Variants in FREM2 observed in about 807,000 individuals in gnomAD.
The protein encoded by FREM2 is FRAS1-related extracellular matrix protein 2.
Under a neutral mutation model 219.9 loss-of-function variants are expected in FREM2, and 119 were observed. The ratio of observed to expected loss-of-function variants is 0.54; its 90% CI spans 0.47 to 0.63. The LOEUF (loss-of-function observed/expected upper bound fraction) is 0.63, where lower values mean the gene tolerates loss of function less well. Ranked by LOEUF, FREM2 falls within the 30% of genes least tolerant of loss-of-function variation. FREM2 has a pLI of 0.00. For missense variants in FREM2, 4,030 were observed against 3,993.6 expected, an observed-to-expected ratio of 1.01 and a Z score of -0.25; for synonymous variants, 1,562 against 1,522.8, an observed-to-expected ratio of 1.03 and a Z score of -0.60.
At chr13:38,789,987 AG>A (rs1158773240) in intron 6 of FREM2, among the ~76,000 whole-genome samples, 2 of 152,094 alleles carry the variant, frequency 1.3e-5, no homozygotes, top group Non-Finnish European at 2.9e-5. Context: ...ATATGTAGAA[AG>A]CCTATACAAT....
intron 15 of FREM2, among the ~76,000 whole-genome samples, 192 bp from the exon 16 acceptor site, chr13:38,864,082 AC>A (rs1877860746): frequency 6.6e-6 from 1 of 151,032 alleles, no homozygotes; most frequent in Non-Finnish European, 1.5e-5. Context: ...ACCCACCTAG[AC>A]CTCCCAAAGT....
At chr13:38,755,209 T>G (rs946190470) in intron 2 of FREM2, among the ~76,000 whole-genome samples, 7 of 151,998 alleles carry the variant, frequency 4.6e-5, no homozygotes, top group African/African-American at 1.7e-4. Context: ...CCAGTCAAGA[T>G]TATTTTTAAT....
intron 12 of FREM2, among the ~76,000 whole-genome samples, chr13:38,857,334 T>C (rs1877599718): frequency 6.6e-6 from 1 of 152,132 alleles, no homozygotes; most frequent in South Asian, 2.1e-4. Context: ...TGTTCATAGA[T>C]TCCTCTTCTG....
intron 2 of FREM2, among the ~76,000 whole-genome samples, chr13:38,761,476 G>A (rs913242507): frequency 2.6e-5 from 4 of 152,210 alleles, no homozygotes; most frequent in East Asian, 3.9e-4. Flanking sequence ...TTAATGGAAC[G>A]TAAACACAAT....
Position 38,755,064 on chromosome 13 carries a change from G to A in FREM2, c.5264-9240G>A, listed in dbSNP as rs375834172. Among the ~76,000 whole-genome samples the A allele has an allele frequency of 3.8e-3, 574 of 151,866 alleles. 11 individuals are homozygous for A. Among genetic ancestry groups the A allele is most frequent in the African/African-American group, 0.013 (540 of 41,442 alleles). On this transcript the variant is annotated intron_variant, in intron 2 of 23. Transcript: ENST00000280481. Reference sequence around the variant, plus strand: ...ATTACAGGCAGGCACCATCACACCCGGCTAATTTTTGTATTTTTAGTAGAT... The same window carrying A: ...ATTACAGGCAGGCACCATCACACCCAGCTAATTTTTGTATTTTTAGTAGAT...
In FREM2 at chr13:38,687,706, G is replaced by A. The variant is rs1320388887; in HGVS notation, c.362G>A (p.Arg121His). The change falls in exon 1 of 24, where the codon CGC becomes CAC. Residue 121 changes from arginine (R) to histidine (H), a missense_variant. Physicochemically the swap from Arg to His is conservative, Grantham distance 29. This residue lies in a region of FREM2 where 3,102 missense variants were observed against 2,950.7 expected (regional missense o/e 1.05). Transcript: ENST00000280481. ...DNDALAQRPG[R>H]LSPKRFPCDF... ...GACGCACTGGCCCAGCGACCGGGCC[G>A]CCTGAGTCCCAAGCGCTTCCCGTGC... is the stretch of plus-strand genomic sequence containing the variant. The A allele has an allele frequency of 7.0e-6, 11 of 1,566,074 alleles. No individual in the cohort carries two copies. The highest frequency in any genetic ancestry group is 8.7e-6 in the Non-Finnish European group (10 of 1,153,778).
At chr13:38,735,931 C>G (rs985113107) in intron 2 of FREM2, among the ~76,000 whole-genome samples, 1 of 152,122 alleles carries the variant, frequency 6.6e-6, no homozygotes. Context: ...AGGTGCTGTT[C>G]GTGTAAAATC....
chr13:38,826,006 G>A (rs1187220108), intron 6 of FREM2, among the ~76,000 whole-genome samples: 1 of 152,098 alleles, frequency 6.6e-6, no homozygotes, highest in Non-Finnish European at 1.5e-5. Context: ...TAATGCGTAT[G>A]TTTACAGCTT....
At chr13:38,795,972 T>C (rs927040876) in intron 6 of FREM2, among the ~76,000 whole-genome samples, 2 of 152,124 alleles carry the variant, frequency 1.3e-5, no homozygotes, top group African/African-American at 2.4e-5. Context: ...GTATACACGA[T>C]AGTTTTCTTT....
intron 2 of FREM2, among the ~76,000 whole-genome samples, chr13:38,714,956 G>A (rs1378733538): frequency 1.3e-5 from 2 of 151,828 alleles, no homozygotes; most frequent in African/African-American, 4.8e-5. Context: ...GCTGGGCATG[G>A]TGGCGGGCAC....
intron 4 of FREM2, among the ~76,000 whole-genome samples, chr13:38,772,540 A>G (rs1391842544): frequency 1.3e-5 from 2 of 152,186 alleles, no homozygotes; most frequent in East Asian, 3.9e-4. Flanking sequence ...TGTGTTTAGC[A>G]CATTATATAC....
chr13:38,687,874 C>A lies in FREM2; in HGVS notation c.530C>A (p.Thr177Asn). 1 of 1,572,480 alleles carries A rather than the reference C, an allele frequency of 6.4e-7. No homozygotes were observed. Among genetic ancestry groups the A allele is most frequent in the Non-Finnish European group, 8.7e-7 (1 of 1,155,254 alleles). Residue 177 changes from threonine (T) to asparagine (N), a missense_variant, in exon 1 of 24, where the codon ACC becomes AAC. Around this residue, in one of 2 missense-constraint regions of FREM2, gnomAD observed 3,102 missense variants for 2,950.7 expected, o/e 1.05. Transcript: ENST00000280481. ...PLVLEVEVVF[T>N]QLEVVTRNLP... ...GTACTGGAGGTGGAGGTGGTCTTCA[C>A]CCAGCTGGAGGTTGTGACTCGGAAC...
chr13:38,687,787 G>C lies in FREM2; in HGVS notation c.443G>C (p.Arg148Pro), dbSNP rs771722643. 2.1e-5 allele frequency: 33 copies of C among 1,538,156 alleles called. No individual in the cohort carries two copies. Among genetic ancestry groups the C allele is most frequent in the East Asian group, 1.1e-4 (5 of 43,616 alleles). The part of the protein sequence containing the change: ...YSHLGARSPS[R>P]DRVRLQLRYD... ...CACCTGGGCGCGCGCAGCCCGTCTC[G>C]GGACCGCGTCCGGCTGCAGCTGCGC... is the stretch of plus-strand genomic sequence containing the variant. Residue 148 changes from arginine to proline, a missense_variant, in exon 1 of 24, where the codon CGG (arginine) becomes CCG (proline). This residue lies in a region of FREM2 where 3,102 missense variants were observed against 2,950.7 expected (regional missense o/e 1.05). Transcript: ENST00000280481.
chr13:38,735,629 G>A (rs985164983), intron 2 of FREM2, among the ~76,000 whole-genome samples: 9 of 152,238 alleles, frequency 5.9e-5, no homozygotes, highest in East Asian at 1.9e-4. Context: ...TTAAAAAAAC[G>A]TAAATGGTTT....
intron 6 of FREM2, among the ~76,000 whole-genome samples, chr13:38,816,583 G>C (rs1215810724): frequency 6.6e-6 from 1 of 152,140 alleles, no homozygotes; most frequent in Non-Finnish European, 1.5e-5. Flanking sequence ...CCTCAATGCA[G>C]TAACAGCCAT....
chr13:38,812,948 G>A (rs969065638), intron 6 of FREM2, among the ~76,000 whole-genome samples: 5 of 149,660 alleles, frequency 3.3e-5, no homozygotes, highest in African/African-American at 1.2e-4. Context: ...AACCTCTACC[G>A]TTTAACTTCA....
chr13:38,788,548 A>G lies in FREM2; in HGVS notation c.6019+3740A>G, dbSNP rs182081573. 2.5e-3 allele frequency among the ~76,000 whole-genome samples: 374 copies of G among 152,288 alleles called. 2 individuals carry two copies. The highest frequency in any genetic ancestry group is 3.8e-3 in the Non-Finnish European group (259 of 67,992). On this transcript the variant is annotated intron_variant, in intron 6 of 23. Transcript: ENST00000280481. ...GAAATGGCTGCGATATCAAATGTCA[A>G]CACTTTATAGAATTGACAATATTGA...
In FREM2 at chr13:38,856,239, A is replaced by G; in HGVS notation, c.7039A>G (p.Met2347Val). ...FTVHLKPDEN[M>V]IAEMQLTKAI... Reference sequence around the variant, plus strand: ...TGTTCACCTAAAACCTGATGAAAATATGATAGCAGAGATGCAGGTAAGTAA... The same window carrying G: ...TGTTCACCTAAAACCTGATGAAAATGTGATAGCAGAGATGCAGGTAAGTAA... The change falls in exon 12 of 24, where the codon ATG becomes GTG. Residue 2347 changes from methionine (M) to valine (V), a missense_variant. Transcript: ENST00000280481. The G allele has an allele frequency of 4.3e-6, 7 of 1,612,726 alleles. No homozygotes were observed. The highest frequency in any genetic ancestry group is 2.2e-5 in the East Asian group (1 of 44,796).
At chr13:38,704,332 A>G (rs570097699) in intron 2 of FREM2, among the ~76,000 whole-genome samples, 128 of 152,338 alleles carry the variant, frequency 8.4e-4, no homozygotes, top group African/African-American at 3.0e-3. Flanking sequence ...AAGTAGACGA[A>G]TGAGTTAAAC....
Sources: allele counts gnomAD v4.1 joint callset (sites outside exome capture counted in the v4.1 genomes callset), GRCh38; gene constraint gnomAD v4.1.1; regional missense constraint gnomAD v4.1.1; transcripts MANE v1.5; gene names NCBI Gene and HGNC (gene_info 2026-07-23, HGNC 2026-07-21).